The following KLHL8 variants were observed in gnomAD, a reference collection of about 807,000 sequenced individuals.
KLHL8 encodes kelch-like protein 8.
Under a neutral mutation model 63.5 loss-of-function variants are expected in KLHL8, and 38 were observed. The ratio of observed to expected loss-of-function variants is 0.60; its 90% CI spans 0.46 to 0.78. The LOEUF (loss-of-function observed/expected upper bound fraction) is 0.78, where lower values mean the gene tolerates loss of function less well. Ranked by LOEUF, KLHL8 falls within the 30% of genes least tolerant of loss-of-function variation. KLHL8 has a pLI of 0.00. For missense variants in KLHL8, 566 were observed against 752.4 expected (o/e 0.75, Z 2.90); for synonymous variants, 224 against 254.3 (o/e 0.88, Z 1.13).
intron 1 of KLHL8, among the ~76,000 whole-genome samples, chr4:87,204,338 A>G (rs1732034841): frequency 6.6e-6 from 1 of 152,038 alleles, no homozygotes; most frequent in African/African-American, 2.4e-5. Flanking sequence ...AACACCTGGA[A>G]TTTTCATATA....
intron 1 of KLHL8, among the ~76,000 whole-genome samples, chr4:87,236,647 T>C (rs959925160): frequency 1.3e-5 from 2 of 150,726 alleles, no homozygotes; most frequent in Non-Finnish European, 2.9e-5. Context: ...AGTCATTTAA[T>C]TTATCTGTAC....
intron 2 of KLHL8, among the ~76,000 whole-genome samples, chr4:87,187,655 C>T (rs2109998845): frequency 6.6e-6 from 1 of 151,960 alleles, no homozygotes; most frequent in Non-Finnish European, 1.5e-5. Context: ...AAATGGGAAT[C>T]ATTCTAATAT....
chr4:87,191,758 C>T (rs186900905), intron 2 of KLHL8, among the ~76,000 whole-genome samples: 7 of 151,614 alleles, frequency 4.6e-5, no homozygotes, highest in Admixed American at 1.3e-4. Context: ...ATACCCCCAC[C>T]GCCTTCCCTC....
In KLHL8 at chr4:87,174,683, C is replaced by A. The variant is rs150311743; in HGVS notation, c.1208+2074G>T. ...TTATATTTTCACTCTGACACAGAGA[C>A]AGAATTATTCTAGTATCTAGTTTTA... On this transcript the variant is annotated intron_variant, in intron 6 of 9. Coordinates refer to ENST00000273963, the MANE Select transcript of KLHL8 (RefSeq NM_020803.5). Among the ~76,000 whole-genome samples, 17 of 152,118 alleles carry A rather than the reference C, an allele frequency of 1.1e-4. No homozygotes were observed. The South Asian group carries it at 1.2e-3, about 11-fold the overall frequency.
intron 9 of KLHL8, 88 bp from the exon 10 acceptor site, chr4:87,163,730 C>CATAGGGACA: frequency 6.4e-7 from 1 of 1,574,734 alleles, no homozygotes; most frequent in Non-Finnish European, 8.7e-7. Flanking sequence ...CTATGTGAGA[C>CATAGGGACA]TGGTTTTGTA....
chr4:87,208,076 T>A, intron 1 of KLHL8: 1 of 576,360 alleles, frequency 1.7e-6, no homozygotes, highest in South Asian at 1.5e-5. Context: ...ATGGCCCACA[T>A]GGCCTCCAAA....
chr4:87,186,606 G>C (rs973892129), intron 2 of KLHL8, among the ~76,000 whole-genome samples: 1 of 151,414 alleles, frequency 6.6e-6, no homozygotes, highest in Non-Finnish European at 1.5e-5. Context: ...AGCCTCCCCA[G>C]CAGCTAGGAC....
intron 8 of KLHL8, chr4:87,167,345 T>C (rs2149826957): frequency 1.1e-5 from 5 of 437,490 alleles, no homozygotes; most frequent in Non-Finnish European, 2.2e-5. Context: ...TTGGAAAACA[T>C]TTATAAAGAG....
chr4:87,194,974 A>C (rs1731637649), intron 2 of KLHL8, among the ~76,000 whole-genome samples: 1 of 152,232 alleles, frequency 6.6e-6, no homozygotes, highest in South Asian at 2.1e-4. Context: ...AGAGTAAGCA[A>C]ATACATCAAG....
At chr4:87,235,056 GT>G (rs1305758599) in intron 1 of KLHL8, among the ~76,000 whole-genome samples, 1 of 152,078 alleles carries the variant, frequency 6.6e-6, no homozygotes, top group African/African-American at 2.4e-5. Context: ...GTAAGCTAGG[GT>G]TGGTTTATTA....
chr4:87,168,064 G>A (rs539766521), intron 8 of KLHL8, among the ~76,000 whole-genome samples: 99 of 152,262 alleles, frequency 6.5e-4, no homozygotes, highest in African/African-American at 2.1e-3. Context: ...TACCTTTATG[G>A]TTAAAGGGGG....
chr4:87,164,051 A>G lies in KLHL8; in HGVS notation c.1566T>C (p.Ser522=). ...VGGFDDNSPL[S]SVERYDPRSN... ...TTCGGGGGTCATACCGCTCAACTGA[A>G]CTCAGAGGAGAATTATCATCAAAAC... is the stretch of plus-strand genomic sequence containing the variant. The change falls in exon 9 of 10, where the codon AGT becomes AGC. Residue 522 remains serine, a synonymous_variant. Transcript: ENST00000273963. 1 of 1,614,154 alleles carries G rather than the reference A, an allele frequency of 6.2e-7. No homozygotes were observed. Among genetic ancestry groups the G allele is most frequent in the Non-Finnish European group, 8.5e-7 (1 of 1,179,990 alleles).
At chr4:87,224,301 A>T (rs918234566), upstream of KLHL8, among the ~76,000 whole-genome samples, 1 of 152,142 alleles carries the variant, frequency 6.6e-6, no homozygotes, top group African/African-American at 2.4e-5. Flanking sequence ...AGGCTTTATA[A>T]CCATCAAAAG....
At chr4:87,170,950 T>C (rs1730610767) in intron 6 of KLHL8, among the ~76,000 whole-genome samples, 1 of 152,194 alleles carries the variant, frequency 6.6e-6, no homozygotes, top group African/African-American at 2.4e-5. Flanking sequence ...ACTGAGAGGT[T>C]AATGAGTTGA....
chr4:87,228,188 G>A (rs1029253862), intron 1 of KLHL8, among the ~76,000 whole-genome samples: 2 of 152,134 alleles, frequency 1.3e-5, no homozygotes, highest in African/African-American at 2.4e-5. Flanking sequence ...TCTTCATTTG[G>A]CTGATACTGA....
intron 1 of KLHL8, chr4:87,207,898 G>A: frequency 1.4e-6 from 2 of 1,464,838 alleles, no homozygotes; most frequent in Non-Finnish European, 1.9e-6. Flanking sequence ...CCCCCTCAAG[G>A]GCATCCTGGG....
At position 87,195,365 on chromosome 4, in the gene KLHL8, G is replaced by A. The variant is rs764481150; in HGVS notation, c.175C>T (p.Arg59Ter). ...AWKDFHGSLL[R>*]FYENGELCDV... The stretch of plus-strand genomic sequence containing the variant: ...CAGAGTTCTCCATTTTCATAAAATC[G>A]AAGAAGAGAACCATGAAAATCTTTC... Residue 59 changes from arginine to a stop codon, truncating the protein, a stop_gained, in exon 2 of 10, where the codon CGA (arginine) becomes TGA (stop). Coordinates refer to ENST00000273963, the MANE Select transcript of KLHL8 (RefSeq NM_020803.5). LOFTEE classifies it high-confidence loss of function. 9.3e-6 allele frequency: 15 copies of A among 1,612,904 alleles called. No homozygotes were observed. The highest frequency in any genetic ancestry group is 5.5e-5 in the South Asian group (5 of 91,034).
chr4:87,178,124 TA>T (rs890890141), intron 5 of KLHL8, among the ~76,000 whole-genome samples: 21 of 151,722 alleles, frequency 1.4e-4, no homozygotes, highest in African/African-American at 4.6e-4. Flanking sequence ...CAGGAATAAG[TA>T]AAAAAAAATT....
chr4:87,230,803 C>T (rs1291552298), intron 1 of KLHL8, among the ~76,000 whole-genome samples: 4 of 152,182 alleles, frequency 2.6e-5, no homozygotes, highest in Non-Finnish European at 1.5e-5. Flanking sequence ...CACTCCCTAC[C>T]TGCTCCAGGA....
Sources: allele counts gnomAD v4.1 joint callset (sites outside exome capture counted in the v4.1 genomes callset), GRCh38; gene constraint gnomAD v4.1.1; transcripts MANE v1.5; gene names NCBI Gene and HGNC (gene_info 2026-07-23, HGNC 2026-07-21).